ARHGEF10: variants seen among roughly 807,000 people sequenced by gnomAD.
The protein encoded by ARHGEF10 is Rho guanine nucleotide exchange factor (GEF) 10.
In ARHGEF10, 140 loss-of-function variants were observed where a neutral mutation model predicts 147.4. The observed-to-expected ratio is 0.95, with a 90% CI of 0.83 to 1.09. The LOEUF (loss-of-function observed/expected upper bound fraction) is 1.09. Ranked by LOEUF, ARHGEF10 falls within the 50% of genes least tolerant of loss-of-function variation. ARHGEF10 has a pLI of 0.00. For missense variants in ARHGEF10, 2,222 were observed against 1,752.7 expected, an observed-to-expected ratio of 1.27 and a Z score of -4.78; for synonymous variants, 902 against 695.8, an observed-to-expected ratio of 1.30 and a Z score of -4.67.
chr8:1,944,181 G>A (rs1175357702), intron 26 of ARHGEF10, among the ~76,000 whole-genome samples: 6 of 150,706 alleles, frequency 4.0e-5, no homozygotes, highest in African/African-American at 1.2e-4. Flanking sequence ...TTCCCGCACC[G>A]TGCTACCTCC....
chr8:1,887,406 A>G (rs1429855779), intron 11 of ARHGEF10, among the ~76,000 whole-genome samples: 2 of 151,186 alleles, frequency 1.3e-5, no homozygotes, highest in Admixed American at 1.3e-4. Flanking sequence ...GAAAGAGGCG[A>G]TGCCAGACCC....
chr8:1,924,927 G>C (rs1337998492), intron 21 of ARHGEF10, among the ~76,000 whole-genome samples: 1 of 152,178 alleles, frequency 6.6e-6, no homozygotes, highest in Non-Finnish European at 1.5e-5. Flanking sequence ...TCTGGTATTT[G>C]AATCTAAACA....
intron 15 of ARHGEF10, among the ~76,000 whole-genome samples, chr8:1,901,909 A>G (rs1197273829): frequency 6.6e-6 from 1 of 152,252 alleles, no homozygotes; most frequent in Non-Finnish European, 1.5e-5. Context: ...GTTTAAAAAG[A>G]TAAGCACGCT....
Position 1,928,587 on chromosome 8 carries a change from C to G in ARHGEF10, c.2858C>G (p.Pro953Arg). The G allele has an allele frequency of 6.2e-7, 1 of 1,614,226 alleles. No individual in the cohort carries two copies. The highest frequency in any genetic ancestry group is 8.5e-7 in the Non-Finnish European group (1 of 1,180,048). The part of the protein sequence containing the change: ...KRREPGAPPD[P>R]ETPAVRASDV... ...AGAGAGCCTGGGGCACCCCCGGACCCCGAGACCCCGGCCGTGAGAGCTTCT... is the reference window on the plus strand; with the variant it reads ...AGAGAGCCTGGGGCACCCCCGGACCGCGAGACCCCGGCCGTGAGAGCTTCT... Residue 953 changes from proline to arginine, a missense_variant, in exon 24 of 29, where the codon CCC becomes CGC. By Grantham distance (103) the Pro-to-Arg change is moderately radical. Coordinates refer to ENST00000349830, the MANE Select transcript of ARHGEF10 (RefSeq NM_014629.4).
intron 16 of ARHGEF10, 176 bp downstream of exon 16, chr8:1,903,627 A>G (rs1485509629): frequency 1.4e-6 from 1 of 732,616 alleles, no homozygotes; most frequent in Non-Finnish European, 2.2e-6. Flanking sequence ...TGGAAATTGT[A>G]TGTAAAACCT....
At chr8:1,941,659 C>T (rs1025548805) in intron 26 of ARHGEF10, among the ~76,000 whole-genome samples, 4 of 151,876 alleles carry the variant, frequency 2.6e-5, no homozygotes, top group Admixed American at 6.6e-5. Flanking sequence ...ATAGCCAAAA[C>T]AATCTAGAAA....
intron 1 of ARHGEF10, among the ~76,000 whole-genome samples, chr8:1,837,216 C>T (rs553450229): frequency 1.3e-4 from 20 of 152,388 alleles, no homozygotes; most frequent in Non-Finnish European, 2.5e-4. Flanking sequence ...CTGACAGTTG[C>T]TTCCCAGAGC....
chr8:1,849,890 CCA>C (rs1457829539), intron 2 of ARHGEF10, among the ~76,000 whole-genome samples: 13 of 142,912 alleles, frequency 9.1e-5, no homozygotes, highest in Non-Finnish European at 1.7e-4. Context: ...CGTGGGGCGA[CCA>C]TGTGGACACA....
intron 15 of ARHGEF10, among the ~76,000 whole-genome samples, chr8:1,902,154 C>T (rs566250037): frequency 1.4e-4 from 22 of 152,260 alleles, no homozygotes; most frequent in African/African-American, 4.6e-4. Flanking sequence ...CCCCTCACCC[C>T]CCGCCCCGCA....
chr8:1,949,866 C>T (rs1003034294), intron 27 of ARHGEF10, among the ~76,000 whole-genome samples: 1 of 151,790 alleles, frequency 6.6e-6, no homozygotes, highest in Non-Finnish European at 1.5e-5. Flanking sequence ...GAGCAGAGGG[C>T]GAATCCCCCT....
At chr8:1,824,444 G>A (rs370733973) in intron 1 of ARHGEF10, among the ~76,000 whole-genome samples, 2 of 151,962 alleles carry the variant, frequency 1.3e-5, no homozygotes, top group African/African-American at 4.8e-5. Flanking sequence ...CGCCTGGGGG[G>A]TCGTGCAGTA....
At chr8:1,902,036 G>T (rs779173412) in intron 15 of ARHGEF10, among the ~76,000 whole-genome samples, 1 of 151,960 alleles carries the variant, frequency 6.6e-6, no homozygotes, top group Non-Finnish European at 1.5e-5. Context: ...GAATGTGCAG[G>T]TTTGTTCCAT....
At chr8:1,858,365 G>A (rs1320396927) in intron 3 of ARHGEF10, among the ~76,000 whole-genome samples, 1 of 152,182 alleles carries the variant, frequency 6.6e-6, no homozygotes, top group Admixed American at 6.5e-5. Flanking sequence ...TTGGAACATT[G>A]TAGGGAAAGG....
At chr8:1,893,909 C>T (rs1294898560) in intron 12 of ARHGEF10, among the ~76,000 whole-genome samples, 1 of 152,026 alleles carries the variant, frequency 6.6e-6, no homozygotes. Flanking sequence ...CTCGGTGGCT[C>T]ACCCCTGTAA....
At chr8:1,889,428 G>C (rs188346973) in intron 11 of ARHGEF10, among the ~76,000 whole-genome samples, 1 of 74,104 alleles carries the variant, frequency 1.3e-5, no homozygotes, top group Non-Finnish European at 2.6e-5. Flanking sequence ...AGTGGGGTGA[G>C]GGGTCTGTGA....
chr8:1,957,018 A>C lies in ARHGEF10; in HGVS notation c.3790A>C (p.Ser1264Arg). The C allele has an allele frequency of 9.3e-6, 15 of 1,614,020 alleles. No homozygotes were observed. Among genetic ancestry groups the C allele is most frequent in the Non-Finnish European group, 1.3e-5 (15 of 1,180,026 alleles). ...CCTGTCCTCCTCATCTGGGTCCCTG[A>C]GCTTGTCTCACGGCTCCAGCTCTCT... ...SDLSSSSGSL[S>R]LSHGSSSLEH... Residue 1264 changes from serine to arginine, a missense_variant, in exon 29 of 29, where the codon AGC becomes CGC. Transcript: ENST00000349830.
chr8:1,875,844 T>G (rs1807651398), intron 7 of ARHGEF10, among the ~76,000 whole-genome samples: 1 of 152,232 alleles, frequency 6.6e-6, no homozygotes, highest in Admixed American at 6.5e-5. Flanking sequence ...TAAGGCCAAG[T>G]TTTGTTACAG....
At chr8:1,838,028 A>G (rs1311051045) in intron 1 of ARHGEF10, among the ~76,000 whole-genome samples, 2 of 152,106 alleles carry the variant, frequency 1.3e-5, no homozygotes, top group African/African-American at 4.8e-5. Flanking sequence ...TGTCTCCTCC[A>G]TAGAGTTCAG....
intron 26 of ARHGEF10, among the ~76,000 whole-genome samples, chr8:1,939,134 T>C (rs1813871515): frequency 6.6e-6 from 1 of 152,230 alleles, no homozygotes; most frequent in Non-Finnish European, 1.5e-5. Context: ...CTGAACACTG[T>C]GGAATCCATA....
Sources: gnomAD v4.1 joint callset for allele counts (sites outside exome capture counted in the v4.1 genomes callset) on GRCh38, gnomAD v4.1.1 for gene constraint, MANE v1.5 for transcripts, NCBI Gene and HGNC (gene_info 2026-07-23, HGNC 2026-07-21) for gene names.